The following C1orf87 variants were observed in gnomAD, a reference collection of about 807,000 sequenced individuals.
C1orf87 encodes the protein uncharacterized protein C1orf87.
In C1orf87, 58 loss-of-function variants were observed where a neutral mutation model predicts 60.5. That is an observed-to-expected ratio of 0.96 (90% CI 0.78 to 1.19). The LOEUF (loss-of-function observed/expected upper bound fraction) is 1.19. Among genes scored for constraint, C1orf87 ranks in the 50% most tolerant of loss-of-function variants. The pLI is 0.00. For synonymous variants in C1orf87, 236 were observed against 227.4 expected, an observed-to-expected ratio of 1.04 and a Z score of -0.34; for missense variants, 673 against 638.6, an observed-to-expected ratio of 1.05 and a Z score of -0.58.
At chr1:60,064,037 A>G (rs1355439550) in intron 2 of C1orf87, among the ~76,000 whole-genome samples, 1 of 151,854 alleles carries the variant, frequency 6.6e-6, no homozygotes, top group East Asian at 1.9e-4. Context: ...TAGAATATAG[A>G]GCAGGCAGAA....
At chr1:60,038,663 A>G (rs936589266) in intron 5 of C1orf87, among the ~76,000 whole-genome samples, 1 of 152,174 alleles carries the variant, frequency 6.6e-6, no homozygotes, top group Non-Finnish European at 1.5e-5. Context: ...TCCTTCTCAC[A>G]TATCTTATAC....
chr1:60,021,739 A>C (rs1645164642), intron 8 of C1orf87, among the ~76,000 whole-genome samples: 1 of 152,234 alleles, frequency 6.6e-6, no homozygotes, highest in Admixed American at 6.5e-5. Flanking sequence ...GATAATAGCT[A>C]TACAGATGAT....
intron 3 of C1orf87, among the ~76,000 whole-genome samples, chr1:60,047,036 C>T (rs1467849553): frequency 6.6e-6 from 1 of 152,154 alleles, no homozygotes; most frequent in African/African-American, 2.4e-5. Flanking sequence ...TAATTACAGG[C>T]AGTCATATGC....
At position 60,024,509 on chromosome 1, in the gene C1orf87, A is replaced by G. The variant is rs573466890; in HGVS notation, c.1127+892T>C. ...GGTGTTACCTTTCCTGGCCTTGGGT[A>G]GTTTCCTCAAATGGACACATTAGCC... On this transcript the variant is annotated intron_variant, in intron 8 of 11. Transcript: ENST00000371201. Among the ~76,000 whole-genome samples the G allele has an allele frequency of 5.3e-5, 8 of 152,280 alleles. No individual in the cohort carries two copies. In the South Asian group the frequency reaches 1.7e-3, roughly 32 times the overall value.
intron 8 of C1orf87, among the ~76,000 whole-genome samples, chr1:60,020,204 C>T (rs1006578323): frequency 6.6e-6 from 1 of 152,194 alleles, no homozygotes; most frequent in Non-Finnish European, 1.5e-5. Context: ...TCTGTGCAGC[C>T]TCAAGACATG....
At chr1:60,038,543 A>T (rs1332728279) in intron 5 of C1orf87, among the ~76,000 whole-genome samples, 1 of 152,112 alleles carries the variant, frequency 6.6e-6, no homozygotes, top group Non-Finnish European at 1.5e-5. Context: ...ATGAAAAAAA[A>T]TAACTTTTTG....
chr1:60,003,754 T>C lies in C1orf87; in HGVS notation c.1193-2598A>G, dbSNP rs375206403. On this transcript the variant is annotated intron_variant, in intron 9 of 11. Coordinates refer to ENST00000371201, the MANE Select transcript of C1orf87 (RefSeq NM_152377.3). ...GAATTAAATACTCAATGAATACATG[T>C]TAAATAAATGACCATGTGTTCTAAT... Among the ~76,000 whole-genome samples the C allele has an allele frequency of 4.1e-4, 63 of 152,186 alleles. 1 individual carries two copies. The highest frequency in any genetic ancestry group is 1.4e-3 in the African/African-American group (58 of 41,554).
At chr1:60,073,291 G>A (rs563747247) in intron 1 of C1orf87, among the ~76,000 whole-genome samples, 1 of 152,248 alleles carries the variant, frequency 6.6e-6, no homozygotes, top group East Asian at 1.9e-4. Context: ...TGATGCCAAG[G>A]GAAAATCAGA....
Position 60,033,464 on chromosome 1 carries a change from A to G in C1orf87, c.1029+12T>C, listed in dbSNP as rs1304360695. On this transcript the variant is annotated intron_variant, in intron 7 of 11. Transcript: ENST00000371201. ...TTACAGAGGAACAAATCTGAAATTG[A>G]ATTTTGGTTACCTTAGGTAGAGGGA... 6.2e-7 allele frequency: 1 copy of G among 1,610,976 alleles called. No individual in the cohort carries two copies. The highest frequency in any genetic ancestry group is 8.5e-7 in the Non-Finnish European group (1 of 1,178,334).
At chr1:60,024,664 G>C (rs1476741014) in intron 8 of C1orf87, among the ~76,000 whole-genome samples, 2 of 152,138 alleles carry the variant, frequency 1.3e-5, no homozygotes, top group East Asian at 3.9e-4. Context: ...TCGAAACTCT[G>C]TCCCTTTAAC....
At chr1:60,047,272 A>G (rs923827708) in intron 3 of C1orf87, among the ~76,000 whole-genome samples, 1 of 152,186 alleles carries the variant, frequency 6.6e-6, no homozygotes, top group African/African-American at 2.4e-5. Context: ...CATTCTTCAG[A>G]GATAACCAAT....
At chr1:60,038,638 C>T (rs533375975) in intron 5 of C1orf87, among the ~76,000 whole-genome samples, 16 of 152,246 alleles carry the variant, frequency 1.1e-4, no homozygotes, top group African/African-American at 3.9e-4. Flanking sequence ...CCGCTGCCCC[C>T]ACTCTCTCTC....
intron 9 of C1orf87, 43 bp downstream of exon 9, chr1:60,010,349 A>C (rs771244219): frequency 2.6e-6 from 4 of 1,546,964 alleles, no homozygotes; most frequent in Non-Finnish European, 3.6e-6. Flanking sequence ...ATAGCTGTGA[A>C]AAATGGAAGG....
chr1:60,046,936 T>C (rs1008413763), intron 3 of C1orf87, among the ~76,000 whole-genome samples: 1 of 152,258 alleles, frequency 6.6e-6, no homozygotes, highest in African/African-American at 2.4e-5. Flanking sequence ...TTATTCATGT[T>C]CAAGATCAAT....
At chr1:60,001,050 C>T (rs750667331) in intron 10 of C1orf87, 27 bp downstream of exon 10, 3 of 1,585,120 alleles carry the variant, frequency 1.9e-6, no homozygotes, top group Admixed American at 1.7e-5. Flanking sequence ...AACCTTCCCC[C>T]AAACTCTATA....
chr1:60,037,861 C>T lies in C1orf87; in HGVS notation c.863+131G>A, dbSNP rs530421528. 411 of 518,496 alleles carry T rather than the reference C, an allele frequency of 7.9e-4. 1 individual carries two copies. Among genetic ancestry groups the T allele is most frequent in the Non-Finnish European group, 1.3e-3 (380 of 297,066 alleles). 32.1% of individuals were successfully genotyped at this position (518,496 alleles called of 1,614,324 possible). A position where few individuals can be genotyped will look rare whatever the true frequency, so the allele number is the denominator to read the frequency against. On this transcript the variant is annotated intron_variant, in intron 6 of 11. Transcript: ENST00000371201. Reference sequence around the variant, plus strand: ...GGTGCCCTGATCTTAGACTTTCAGCCTTCGCTTCAGCACTGTGATTCATAC... The same window carrying T: ...GGTGCCCTGATCTTAGACTTTCAGCTTTCGCTTCAGCACTGTGATTCATAC...
Position 60,040,053 on chromosome 1 carries a change from A to G in C1orf87, c.611T>C (p.Ile204Thr). Residue 204 changes from isoleucine to threonine, a missense_variant, in exon 5 of 12, where the codon ATC becomes ACC. Coordinates refer to ENST00000371201, the MANE Select transcript of C1orf87 (RefSeq NM_152377.3). ...LLEKLQKELK[I>T]LDPISSGFLL... is the part of the protein sequence containing the mutation. The stretch of plus-strand genomic sequence containing the variant: ...AAATCCTGAAGAGATTGGGTCCAGG[A>G]TCTTCAGCTCTTTCTGAAGCTTTTC... 6.2e-7 allele frequency: 1 copy of G among 1,614,242 alleles called. No homozygotes were observed. The highest frequency in any genetic ancestry group is 8.5e-7 in the Non-Finnish European group (1 of 1,180,038).
intron 4 of C1orf87, among the ~76,000 whole-genome samples, chr1:60,040,527 A>G (rs1645314776): frequency 6.6e-6 from 1 of 152,184 alleles, no homozygotes; most frequent in Non-Finnish European, 1.5e-5. Context: ...GGAGTTTAGC[A>G]TGGGGGATGC....
At chr1:60,012,235 T>A (rs1645091476) in intron 8 of C1orf87, among the ~76,000 whole-genome samples, 1 of 151,970 alleles carries the variant, frequency 6.6e-6, no homozygotes, top group Non-Finnish European at 1.5e-5. Context: ...CATTAATATT[T>A]ACACATTACA....
Sources: allele counts gnomAD v4.1 joint callset (sites outside exome capture counted in the v4.1 genomes callset), GRCh38; gene constraint gnomAD v4.1.1; transcripts MANE v1.5; gene names NCBI Gene and HGNC (gene_info 2026-07-23, HGNC 2026-07-21).